NT5C2: variants seen among roughly 807,000 people sequenced by gnomAD.
NT5C2 encodes the protein 5'-nucleotidase, cytosolic II, also known as cytosolic purine 5'-nucleotidase.
Under a neutral mutation model 76.1 loss-of-function variants are expected in NT5C2, and 58 were observed. The ratio of observed to expected loss-of-function variants is 0.76; its 90% CI spans 0.62 to 0.95. The LOEUF is 0.95. Ranked by LOEUF, NT5C2 falls within the 40% of genes least tolerant of loss-of-function variation. The pLI is 0.00. For synonymous variants in NT5C2, 229 were observed against 237.4 expected (o/e 0.96, Z 0.32); for missense variants, 478 against 690.3 (o/e 0.69, Z 3.45).
At chr10:103,166,745 C>G (rs2086503424) in intron 3 of NT5C2, among the ~76,000 whole-genome samples, 1 of 151,042 alleles carries the variant, frequency 6.6e-6, no homozygotes, top group African/African-American at 2.4e-5. Context: ...CTCAAACTCC[C>G]AAGTTCAAGT....
At chr10:103,181,873 G>A (rs2091135933) in intron 1 of NT5C2, among the ~76,000 whole-genome samples, 1 of 152,038 alleles carries the variant, frequency 6.6e-6, no homozygotes, top group Non-Finnish European at 1.5e-5. Context: ...CAGGCGTGGT[G>A]GCGTATCCCT....
At chr10:103,111,683 A>G in intron 4 of NT5C2, 1 of 1,103,366 alleles carries the variant, frequency 9.1e-7, no homozygotes, top group Non-Finnish European at 1.1e-6. Flanking sequence ...TAGAAAAATA[A>G]AGGGCAAACC....
At chr10:103,175,031 ACTGACAT>A in intron 2 of NT5C2, 49 bp from the exon 3 acceptor site, 4 of 1,038,376 alleles carry the variant, frequency 3.9e-6, no homozygotes, top group Non-Finnish European at 5.8e-6. Context: ...GCATCTGTAT[ACTGACAT>A]CTGATTTTTT....
intron 3 of NT5C2, among the ~76,000 whole-genome samples, chr10:103,171,644 AT>A (rs1439396143): frequency 1.3e-5 from 2 of 151,486 alleles, no homozygotes; most frequent in African/African-American, 4.9e-5. Context: ...TAGATTTCTA[AT>A]TTCTTCTTAA....
rs1451401335 is a variant in NT5C2 at position 103,101,339 on chromosome 10, T to A, written c.390-13A>T. Reference sequence around the variant, plus strand: ...TCTAGTTTCTGGTCTGAAAGAAAAATTTAAAAATTAACTGATTTTTAAAAT... The same window carrying A: ...TCTAGTTTCTGGTCTGAAAGAAAAAATTAAAAATTAACTGATTTTTAAAAT... On this transcript the variant is annotated splice_polypyrimidine_tract_variant and intron_variant, in intron 6 of 18. Coordinates refer to ENST00000404739, the MANE Select transcript of NT5C2 (RefSeq NM_001351169.2). 6.9e-7 allele frequency: 1 copy of A among 1,440,626 alleles called. No homozygotes were observed. Among genetic ancestry groups the A allele is most frequent in the Non-Finnish European group, 9.6e-7 (1 of 1,036,742 alleles). The allele number at this position is 1,440,626 out of a possible 1,614,324, so 89.2% of individuals were successfully genotyped here. A position where few individuals can be genotyped will look rare whatever the true frequency, so the allele number is the denominator to read the frequency against.
intron 4 of NT5C2, among the ~76,000 whole-genome samples, chr10:103,120,334 A>G (rs1487123920): frequency 6.6e-6 from 1 of 152,202 alleles, no homozygotes; most frequent in Non-Finnish European, 1.5e-5. Context: ...CATGATCAAG[A>G]GAGGGAAAAG....
intron 3 of NT5C2, among the ~76,000 whole-genome samples, chr10:103,161,948 A>T (rs1423751896): frequency 1.3e-5 from 2 of 152,144 alleles, no homozygotes; most frequent in Non-Finnish European, 1.5e-5. Context: ...AAATGGTTGT[A>T]CCACTTTGTA....
At chr10:103,105,475 G>A in intron 6 of NT5C2, 1 of 570,060 alleles carries the variant, frequency 1.8e-6, no homozygotes, top group African/African-American at 1.9e-5. Flanking sequence ...TAGTTTTGTT[G>A]TATGCTGTAT....
chr10:103,181,851 A>G (rs2091133000), intron 1 of NT5C2, among the ~76,000 whole-genome samples: 1 of 151,880 alleles, frequency 6.6e-6, no homozygotes, highest in Non-Finnish European at 1.5e-5. Flanking sequence ...CTAAAAACGG[A>G]AAAAAATCAG....
chr10:103,147,878 G>A (rs1190792205), intron 3 of NT5C2, among the ~76,000 whole-genome samples: 1 of 152,088 alleles, frequency 6.6e-6, no homozygotes. Context: ...GTAATGAAAT[G>A]TTCTAAAATT....
intron 1 of NT5C2, among the ~76,000 whole-genome samples, chr10:103,185,504 C>G (rs1242488207): frequency 6.6e-6 from 1 of 151,770 alleles, no homozygotes; most frequent in Non-Finnish European, 1.5e-5. Context: ...AAAAATTAGA[C>G]AGGCATGGTG....
chr10:103,142,712 C>T lies in NT5C2; in HGVS notation c.102-3233G>A, dbSNP rs113606118. Among the ~76,000 whole-genome samples the T allele has an allele frequency of 4.8e-3, 731 of 151,722 alleles. 4 individuals carry two copies. The highest frequency in any genetic ancestry group is 7.9e-3 in the Admixed American group (120 of 15,226). ...AAGAAAAGAAAGGAAGGGCCAGGCA[C>T]GGTGGCTCACGCCTGTAATTCCAAC... is the stretch of plus-strand genomic sequence containing the variant. On this transcript the variant is annotated intron_variant, in intron 3 of 18. Coordinates refer to ENST00000404739, the MANE Select transcript of NT5C2 (RefSeq NM_001351169.2).
intron 1 of NT5C2, among the ~76,000 whole-genome samples, chr10:103,183,878 G>C (rs2091654445): frequency 6.6e-6 from 1 of 150,716 alleles, no homozygotes; most frequent in African/African-American, 2.4e-5. Context: ...CCTTGAAACT[G>C]TTGCATTTAA....
At chr10:103,167,744 G>A (rs564132488) in intron 3 of NT5C2, among the ~76,000 whole-genome samples, 5 of 151,326 alleles carry the variant, frequency 3.3e-5, no homozygotes, top group South Asian at 2.1e-4. Context: ...CAATCCTCCC[G>A]CCTTAGACTC....
intron 4 of NT5C2, among the ~76,000 whole-genome samples, chr10:103,138,658 A>C (rs1461776474): frequency 1.3e-5 from 2 of 152,234 alleles, no homozygotes; most frequent in African/African-American, 4.8e-5. Context: ...AGCCTTATAC[A>C]TACTACGTGT....
intron 8 of NT5C2, among the ~76,000 whole-genome samples, chr10:103,100,237 TAGA>T (rs2069224067): frequency 6.6e-6 from 1 of 152,218 alleles, no homozygotes; most frequent in Admixed American, 6.5e-5. Flanking sequence ...TACAAAGTGA[TAGA>T]AGAATATATT....
At position 103,129,279 on chromosome 10, in the gene NT5C2, G is replaced by A. The variant is rs1403008549; in HGVS notation, c.175+10127C>T. Among the ~76,000 whole-genome samples, 28 of 108,084 alleles carry A rather than the reference G, an allele frequency of 2.6e-4. No individual in the cohort carries two copies. The East Asian group carries it at 6.1e-3, about 23-fold the overall frequency. The allele number at this position is 108,084 out of a possible 152,430, so 70.9% of individuals were successfully genotyped here. On this transcript the variant is annotated intron_variant, in intron 4 of 18. Transcript: ENST00000404739. Reference sequence around the variant, plus strand: ...GGGTCAGCCCCCCACCCGGCCAGCCGCCCCGTCCGGGAGGGAGGTGGGGGG... The same window carrying A: ...GGGTCAGCCCCCCACCCGGCCAGCCACCCCGTCCGGGAGGGAGGTGGGGGG...
intron 4 of NT5C2, among the ~76,000 whole-genome samples, chr10:103,113,702 A>G (rs919239508): frequency 2.6e-5 from 4 of 152,206 alleles, no homozygotes; most frequent in African/African-American, 9.6e-5. Context: ...ATTTATAATA[A>G]GTTTTAGGAG....
Position 103,093,859 on chromosome 10 carries a change from G to A in NT5C2, c.988+113C>T, listed in dbSNP as rs547535385. 13 of 771,606 alleles carry A rather than the reference G, an allele frequency of 1.7e-5. No individual in the cohort carries two copies. In the East Asian group the frequency reaches 3.1e-4, roughly 18 times the overall value. 47.8% of individuals were successfully genotyped at this position (771,606 alleles called of 1,614,324 possible). ...GTGACTAAACTATTTACCTTCAGTA[G>A]ATGACATCTTAGACTACTAAACAGT... On this transcript the variant is annotated intron_variant, in intron 14 of 18. Transcript: ENST00000404739.
Sources: allele counts gnomAD v4.1 joint callset (sites outside exome capture counted in the v4.1 genomes callset), GRCh38; gene constraint gnomAD v4.1.1; transcripts MANE v1.5; gene names NCBI Gene and HGNC (gene_info 2026-07-23, HGNC 2026-07-21).